The following PCDH15 variants were observed in gnomAD, a reference collection of about 807,000 sequenced individuals.
PCDH15 encodes the protein protocadherin related 15, also known as protocadherin-15.
PCDH15 carries 129 observed loss-of-function variants against 178.5 expected under a neutral mutation model. The ratio of observed to expected loss-of-function variants is 0.72; its 90% CI spans 0.63 to 0.84. The LOEUF (loss-of-function observed/expected upper bound fraction) is 0.84, where lower values mean the gene tolerates loss of function less well. PCDH15 is among the 40% of genes least tolerant of loss of function. The pLI is 0.00. For synonymous variants in PCDH15, 800 were observed against 732.0 expected, an observed-to-expected ratio of 1.09 and a Z score of -1.50; for missense variants, 2,230 against 2,099.9, an observed-to-expected ratio of 1.06 and a Z score of -1.21.
chr10:54,777,811 A>T (rs1202625050), intron 1 of PCDH15, among the ~76,000 whole-genome samples: 1 of 152,206 alleles, frequency 6.6e-6, no homozygotes, highest in Non-Finnish European at 1.5e-5. Context: ...GCCAAAAGAA[A>T]GTATTGGTAA....
At chr10:54,197,492 G>A (rs1471206881) in intron 10 of PCDH15, among the ~76,000 whole-genome samples, 1 of 151,934 alleles carries the variant, frequency 6.6e-6, no homozygotes, top group African/African-American at 2.4e-5. Context: ...TTTTTGTTAT[G>A]TTTTCCCCAT....
At chr10:54,090,799 A>G (rs1212193167) in intron 15 of PCDH15, among the ~76,000 whole-genome samples, 1 of 152,224 alleles carries the variant, frequency 6.6e-6, no homozygotes, top group Non-Finnish European at 1.5e-5. Context: ...GCCACAAAGC[A>G]TGACTTCAAA....
intron 2 of PCDH15, chr10:54,655,921 C>A (rs1337099860): frequency 6.6e-6 from 1 of 152,026 alleles, no homozygotes; most frequent in Non-Finnish European, 1.5e-5. Context: ...TTGAAAGTAA[C>A]AATGGTATTT....
At chr10:54,428,624 G>A (rs765779683) in intron 3 of PCDH15, among the ~76,000 whole-genome samples, 1 of 152,012 alleles carries the variant, frequency 6.6e-6, no homozygotes, top group Non-Finnish European at 1.5e-5. Flanking sequence ...GAGCCAACGG[G>A]CATTGAGGCA....
At chr10:54,700,417 T>C (rs2095293925) in intron 1 of PCDH15, among the ~76,000 whole-genome samples, 1 of 151,982 alleles carries the variant, frequency 6.6e-6, no homozygotes, top group African/African-American at 2.4e-5. Context: ...GGGATGAAGA[T>C]TACTGAGATT....
intron 2 of PCDH15, among the ~76,000 whole-genome samples, chr10:55,467,495 G>A (rs1046006912): frequency 6.6e-6 from 1 of 151,300 alleles, no homozygotes; most frequent in African/African-American, 2.4e-5. Context: ...CTCTCTACAG[G>A]TTTAATTATA....
chr10:54,056,521 G>C (rs2093891636), intron 18 of PCDH15, among the ~76,000 whole-genome samples: 1 of 152,092 alleles, frequency 6.6e-6, no homozygotes, highest in African/African-American at 2.4e-5. Context: ...CAGATCTTGA[G>C]AGACTTATTC....
intron 1 of PCDH15, among the ~76,000 whole-genome samples, chr10:55,202,396 G>A (rs569807727): frequency 6.6e-6 from 1 of 152,172 alleles, no homozygotes; most frequent in African/African-American, 2.4e-5. Context: ...GTGCAAAGAT[G>A]AATACTACTT....
chr10:55,476,615 C>T (rs1025796750), intron 2 of PCDH15, among the ~76,000 whole-genome samples: 1 of 151,570 alleles, frequency 6.6e-6, no homozygotes, highest in Non-Finnish European at 1.5e-5. Flanking sequence ...AGTACAGTTC[C>T]AAAAGAAACA....
chr10:53,939,589 T>A (rs2085873035), intron 24 of PCDH15, among the ~76,000 whole-genome samples: 1 of 152,088 alleles, frequency 6.6e-6, no homozygotes, highest in Non-Finnish European at 1.5e-5. Context: ...TAATTAATAA[T>A]CCCTTATAAT....
intron 2 of PCDH15, among the ~76,000 whole-genome samples, chr10:55,532,676 G>A (rs1841479941): frequency 6.6e-6 from 1 of 152,054 alleles, no homozygotes; most frequent in Non-Finnish European, 1.5e-5. Flanking sequence ...TTCTAGTGGT[G>A]TAGGAGGTGA....
Position 55,225,162 on chromosome 10 carries a change from C to T in PCDH15, c.-155-58511G>A, listed in dbSNP as rs1420084376. ...CATAAACTGCACTTTAGCACTTAGACCAGGAAATAACACTTAGTAACAAAA... is the reference window on the plus strand; with the variant it reads ...CATAAACTGCACTTTAGCACTTAGATCAGGAAATAACACTTAGTAACAAAA... On this transcript the variant is annotated intron_variant, in intron 1 of 5. Coordinates refer to the PCDH15 transcript ENST00000458638. 6.6e-5 allele frequency among the ~76,000 whole-genome samples: 10 copies of T among 151,714 alleles called. No individual in the cohort carries two copies. In the East Asian group the frequency reaches 1.7e-3, roughly 26 times the overall value.
At chr10:54,541,453 T>A (rs1217310281) in intron 2 of PCDH15, among the ~76,000 whole-genome samples, 3 of 152,194 alleles carry the variant, frequency 2.0e-5, no homozygotes, top group Admixed American at 2.0e-4. Flanking sequence ...TTAAAAATTA[T>A]CTGAGGAATG....
At chr10:54,707,880 G>A (rs2095382007) in intron 1 of PCDH15, among the ~76,000 whole-genome samples, 1 of 152,144 alleles carries the variant, frequency 6.6e-6, no homozygotes, top group South Asian at 2.1e-4. Flanking sequence ...GGGAATAAAG[G>A]ACATGATATA....
intron 1 of PCDH15, among the ~76,000 whole-genome samples, chr10:54,697,515 G>GTGTATATATATATATATATATATATA (rs1555156234): frequency 7.7e-4 from 110 of 143,080 alleles, no homozygotes; most frequent in African/African-American, 2.7e-3. Context: ...TGAAATGTGT[G>GTGTATATATATATATATATATATATA]TATATATATA....
intron 14 of PCDH15, among the ~76,000 whole-genome samples, chr10:54,135,613 T>G (rs2042840308): frequency 6.6e-6 from 1 of 152,198 alleles, no homozygotes; most frequent in African/African-American, 2.4e-5. Flanking sequence ...CCCTTGAAGA[T>G]CTTGGCTTCT....
Position 54,527,621 on chromosome 10 carries a change from T to G in PCDH15, c.157+191A>C, listed in dbSNP as rs181044186. On this transcript the variant is annotated intron_variant, in intron 3 of 37. Coordinates refer to ENST00000644397, the MANE Select transcript of PCDH15 (RefSeq NM_001384140.1). ...ATATTTATATTAATTGAATGAGACT[T>G]TTATAAATTATTCCAAGTAAAGCAT... 2.0e-5 allele frequency among the ~76,000 whole-genome samples: 3 copies of G among 152,236 alleles called. No individual in the cohort carries two copies. The East Asian group carries it at 5.8e-4, about 29-fold the overall frequency.
intron 2 of PCDH15, among the ~76,000 whole-genome samples, chr10:55,030,706 A>G (rs965804680): frequency 4.6e-5 from 7 of 152,176 alleles, no homozygotes; most frequent in Non-Finnish European, 1.0e-4. Flanking sequence ...AATGAATCAC[A>G]AATTGTCATA....
chr10:55,375,688 A>G (rs2131994688), intron 2 of PCDH15, among the ~76,000 whole-genome samples: 1 of 152,228 alleles, frequency 6.6e-6, no homozygotes, highest in African/African-American at 2.4e-5. Context: ...CCAGAATTAC[A>G]AAGACAAAAG....
Sources: gnomAD v4.1 joint callset for allele counts (sites outside exome capture counted in the v4.1 genomes callset) on GRCh38, gnomAD v4.1.1 for gene constraint, MANE v1.5 for transcripts, NCBI Gene and HGNC (gene_info 2026-07-23, HGNC 2026-07-21) for gene names.